VPS54: variants seen among roughly 807,000 people sequenced by gnomAD.
The protein encoded by VPS54 is VPS54 subunit of GARP complex.
VPS54 carries 45 observed loss-of-function variants against 121.5 expected under a neutral mutation model. The ratio of observed to expected loss-of-function variants is 0.37; its 90% CI spans 0.29 to 0.47. The LOEUF (loss-of-function observed/expected upper bound fraction) is 0.47, where lower values mean the gene tolerates loss of function less well. Among genes scored for constraint, VPS54 ranks in the 20% least tolerant of loss-of-function variants. The pLI is 0.99. For synonymous variants in VPS54, 371 were observed against 385.8 expected (o/e 0.96, Z 0.45); for missense variants, 1,090 against 1,131.4 (o/e 0.96, Z 0.52).
At chr2:63,922,059 T>C (rs1673671349) in intron 12 of VPS54, among the ~76,000 whole-genome samples, 1 of 152,234 alleles carries the variant, frequency 6.6e-6, no homozygotes, top group Non-Finnish European at 1.5e-5. Flanking sequence ...TCAGTTCAAC[T>C]GAACTAATAT....
chr2:63,920,084 G>A, intron 14 of VPS54, 89 bp from the exon 15 acceptor site: 3 of 1,075,888 alleles, frequency 2.8e-6, no homozygotes, highest in South Asian at 1.7e-5. Context: ...AGAGCTGAGT[G>A]AGAACATAAG....
chr2:63,989,840 C>T (rs1677230687), intron 1 of VPS54, among the ~76,000 whole-genome samples: 1 of 152,114 alleles, frequency 6.6e-6, no homozygotes, highest in African/African-American at 2.4e-5. Context: ...TCCTTGGTTT[C>T]CTAAAAAAGC....
chr2:63,969,066 A>G (rs1386632418), intron 4 of VPS54, 75 bp from the exon 5 acceptor site: 1 of 1,261,652 alleles, frequency 7.9e-7, no homozygotes, highest in Non-Finnish European at 1.1e-6. Flanking sequence ...ATTTTGACAG[A>G]TTCAGTATTG....
chr2:63,954,409 G>C (rs1675396500), intron 7 of VPS54, among the ~76,000 whole-genome samples: 1 of 152,108 alleles, frequency 6.6e-6, no homozygotes, highest in Admixed American at 6.6e-5. Context: ...GAGGATGCTA[G>C]ATTTCCAATT....
Position 63,962,443 on chromosome 2 carries a change from G to T in VPS54, c.625C>A (p.Leu209Met). The change falls in exon 7 of 23, where the codon CTG becomes ATG. Residue 209 changes from leucine to methionine, a missense_variant and splice_region_variant. Coordinates refer to ENST00000272322, the MANE Select transcript of VPS54 (RefSeq NM_016516.3). ...TCCACAATATCCAGATAATGGCTCA[G>T]CTTAAAAGAGAAGGAAAAAAAATAT... Reference protein sequence around the residue: ...AASSKLLQEKLSHYLDIVEVN... With the variant: ...AASSKLLQEKMSHYLDIVEVN... 1 of 1,597,508 alleles carries T rather than the reference G, an allele frequency of 6.3e-7. No homozygotes were observed. Among genetic ancestry groups the T allele is most frequent in the South Asian group, 1.1e-5 (1 of 89,212 alleles).
chr2:64,018,893 G>C (rs758270681), intron 1 of VPS54, 45 bp downstream of exon 1: 5 of 151,070 alleles, frequency 3.3e-5, no homozygotes, highest in African/African-American at 1.2e-4. Context: ...GTAGGTCGGG[G>C]TGAGAGTGGG....
In VPS54 at chr2:63,912,787, A is replaced by C. The variant is rs1673209640; in HGVS notation, c.2423-126T>G. The C allele has an allele frequency of 1.9e-5, 23 of 1,214,628 alleles. 1 individual carries two copies. In the South Asian group the frequency reaches 3.5e-4, roughly 18 times the overall value. 75.2% of individuals were successfully genotyped at this position (1,214,628 alleles called of 1,614,324 possible). On this transcript the variant is annotated intron_variant, in intron 18 of 22. Coordinates refer to ENST00000272322, the MANE Select transcript of VPS54 (RefSeq NM_016516.3). ...AAAGAACCAGTTTATTTCATAAACGAAGAGCCCTATGGCAGAAGGCAACAT... is the reference window on the plus strand; with the variant it reads ...AAAGAACCAGTTTATTTCATAAACGCAGAGCCCTATGGCAGAAGGCAACAT...
chr2:63,901,179 G>A (rs1203181537), intron 20 of VPS54, among the ~76,000 whole-genome samples: 1 of 152,166 alleles, frequency 6.6e-6, no homozygotes, highest in East Asian at 1.9e-4. Context: ...AGCTGCAATA[G>A]AACATTGCTA....
intron 20 of VPS54, among the ~76,000 whole-genome samples, chr2:63,909,710 G>A (rs1200672796): frequency 1.6e-5 from 2 of 124,902 alleles, no homozygotes; most frequent in South Asian, 2.4e-4. Context: ...AAGCGACCTC[G>A]CCTGGCCGTT....
rs1558975197 is a variant in VPS54, at chr2:63,897,608, C to CT, written c.2734-19dup. 2.1e-6 allele frequency: 3 copies of CT among 1,395,442 alleles called. No individual in the cohort carries two copies. The South Asian group carries it at 3.8e-5, about 18-fold the overall frequency. 86.4% of individuals were successfully genotyped at this position (1,395,442 alleles called of 1,614,324 possible). A position where few individuals can be genotyped will look rare whatever the true frequency, so the allele number is the denominator to read the frequency against. ...AATAACATCTGAAAAAGAAATAAAA[C>CT]TAAGTTTCTTAAAGTTCTACTGAAA... is the stretch of plus-strand genomic sequence containing the variant. On this transcript the variant is annotated intron_variant, in intron 21 of 22. Coordinates refer to ENST00000272322, the MANE Select transcript of VPS54 (RefSeq NM_016516.3).
chr2:63,942,405 G>A, intron 11 of VPS54, 60 bp downstream of exon 11: 4 of 1,151,142 alleles, frequency 3.5e-6, no homozygotes, highest in Admixed American at 3.2e-5. Context: ...TACATATTAT[G>A]TATCTAGAAA....
At chr2:63,982,634 G>A (rs1222851219) in intron 2 of VPS54, among the ~76,000 whole-genome samples, 1 of 152,148 alleles carries the variant, frequency 6.6e-6, no homozygotes, top group African/African-American at 2.4e-5. Flanking sequence ...ATTTATGCCT[G>A]AATGAAGCTT....
At chr2:63,990,941 A>T (rs1009990600) in intron 1 of VPS54, among the ~76,000 whole-genome samples, 3 of 152,188 alleles carry the variant, frequency 2.0e-5, no homozygotes, top group African/African-American at 7.2e-5. Flanking sequence ...CTTCCTTTAG[A>T]CTGGGACCTT....
At chr2:63,926,763 G>A (rs1008776575) in intron 12 of VPS54, among the ~76,000 whole-genome samples, 1 of 152,150 alleles carries the variant, frequency 6.6e-6, no homozygotes, top group African/African-American at 2.4e-5. Flanking sequence ...TGCACCTGGA[G>A]AAGTGGTACA....
intron 12 of VPS54, among the ~76,000 whole-genome samples, chr2:63,929,501 G>C (rs923957263): frequency 2.6e-5 from 4 of 152,146 alleles, no homozygotes; most frequent in African/African-American, 9.7e-5. Context: ...GAATCTCTGG[G>C]ACACATTTAA....
At chr2:63,986,051 A>G (rs1677036308) in intron 1 of VPS54, among the ~76,000 whole-genome samples, 1 of 152,232 alleles carries the variant, frequency 6.6e-6, no homozygotes, top group African/African-American at 2.4e-5. Flanking sequence ...TAATCAAATA[A>G]AACAGCAAAA....
At chr2:63,970,904 G>A (rs911791348) in intron 4 of VPS54, among the ~76,000 whole-genome samples, 1 of 152,048 alleles carries the variant, frequency 6.6e-6, no homozygotes, top group Admixed American at 6.6e-5. Flanking sequence ...CAGCATACCT[G>A]TCTATGATGA....
intron 4 of VPS54, among the ~76,000 whole-genome samples, chr2:63,970,638 A>G: frequency 6.6e-6 from 1 of 152,144 alleles, no homozygotes; most frequent in East Asian, 1.9e-4. Context: ...CTATTCTGAC[A>G]TTACAGACCA....
In VPS54 at chr2:63,932,194, G is replaced by C. The variant is rs141953228; in HGVS notation, c.1739+1479C>G. On this transcript the variant is annotated intron_variant, in intron 12 of 22. Coordinates refer to ENST00000272322, the MANE Select transcript of VPS54 (RefSeq NM_016516.3). The stretch of plus-strand genomic sequence containing the variant: ...GGATTATAAATGATTCTACGATGAA[G>C]ACACATGCACACGTATGTTTACTGT... Among the ~76,000 whole-genome samples the C allele has an allele frequency of 3.9e-3, 593 of 152,316 alleles. 2 individuals are homozygous for C. Among genetic ancestry groups the C allele is most frequent in the African/African-American group, 0.013 (538 of 41,564 alleles).
Sources: gnomAD v4.1 joint callset for allele counts (sites outside exome capture counted in the v4.1 genomes callset) on GRCh38, gnomAD v4.1.1 for gene constraint, MANE v1.5 for transcripts, NCBI Gene and HGNC (gene_info 2026-07-23, HGNC 2026-07-21) for gene names.